The following SH3BGRL variants were observed in gnomAD, a reference collection of about 807,000 sequenced individuals.
The protein encoded by SH3BGRL is SH3 domain binding glutamate rich protein like.
A neutral mutation model predicts 9.8 loss-of-function variants in SH3BGRL; 7 were observed. That is an observed-to-expected ratio of 0.72 (90% CI 0.41 to 1.35). SH3BGRL has a LOEUF of 1.35. SH3BGRL is among the 40% of genes most tolerant of loss of function. The probability of loss-of-function intolerance (pLI) is 0.01; values close to 1 mark genes in which losing one functional copy is unlikely to be tolerated. For synonymous variants in SH3BGRL, 36 were observed against 29.1 expected (o/e 1.24, Z -0.76); for missense variants, 73 against 84.4 (o/e 0.86, Z 0.53).
intron 3 of SH3BGRL, 59 bp from the exon 4 acceptor site, chrX:81,297,136 A>G: frequency 1.9e-6 from 2 of 1,028,592 alleles, no homozygotes; most frequent in Non-Finnish European, 2.7e-6. Flanking sequence ...ACTAAAATAC[A>G]CATGGGTGTC....
intron 3 of SH3BGRL, among the ~76,000 whole-genome samples, chrX:81,284,811 TAAAC>T (rs2075829296): frequency 9.1e-6 from 1 of 110,204 alleles, no homozygotes; most frequent in Non-Finnish European, 1.9e-5. Flanking sequence ...AATAAATAAA[TAAAC>T]AGACAAATAA....
intron 3 of SH3BGRL, among the ~76,000 whole-genome samples, chrX:81,289,519 C>G (rs1462617660): frequency 9.3e-6 from 1 of 107,867 alleles, no homozygotes; most frequent in East Asian, 2.9e-4. Flanking sequence ...TGCAAACTAC[C>G]CATCTGACAG....
At chrX:81,205,727 C>T (rs1380617244) in intron 1 of SH3BGRL, among the ~76,000 whole-genome samples, 1 of 109,881 alleles carries the variant, frequency 9.1e-6, no homozygotes, top group Non-Finnish European at 1.9e-5. Context: ...AACCTCTATG[C>T]TGTTTTCCAT....
chrX:81,210,398 T>C (rs989171812), intron 1 of SH3BGRL, among the ~76,000 whole-genome samples: 1 of 111,763 alleles, frequency 8.9e-6, no homozygotes, highest in Admixed American at 9.5e-5. Context: ...CAAGCATATA[T>C]AATTACTTAA....
intron 1 of SH3BGRL, among the ~76,000 whole-genome samples, chrX:81,218,097 A>G (rs1439879589): frequency 1.8e-5 from 2 of 110,568 alleles, no homozygotes; most frequent in African/African-American, 6.6e-5. Flanking sequence ...TTTCATTTGC[A>G]TGGAATATCT....
rs745920617 is a variant in SH3BGRL, at chrX:81,297,204, G to T, written c.322G>T (p.Val108Leu). 2 of 1,208,309 alleles carry T rather than the reference G, an allele frequency of 1.7e-6. No homozygotes were observed. The highest frequency in any genetic ancestry group is 5.9e-5 in the East Asian group (2 of 33,730). The change falls in exon 4 of 4, where the codon GTG becomes TTG. Residue 108 changes from valine to leucine, a missense_variant. Val to Leu is a conservative substitution (Grantham distance 32, BLOSUM62 1). Coordinates refer to ENST00000373212, the MANE Select transcript of SH3BGRL (RefSeq NM_003022.3). ...TTGTTTTTCATTTCAGGAAGCAGAA[G>T]TGCAAGCAAAGCAGCAAGCATGAAC... is the stretch of plus-strand genomic sequence containing the variant. ...TAPPGSKEAE[V>L]QAKQQA
At chrX:81,238,074 G>A (rs913808976) in intron 1 of SH3BGRL, among the ~76,000 whole-genome samples, 2 of 109,667 alleles carry the variant, frequency 1.8e-5, no homozygotes, top group Admixed American at 9.7e-5. Flanking sequence ...CTCAGGCCCT[G>A]AATAACCAAC....
intron 1 of SH3BGRL, among the ~76,000 whole-genome samples, chrX:81,270,025 G>T (rs745337898): frequency 4.5e-5 from 5 of 110,187 alleles, no homozygotes; most frequent in Non-Finnish European, 9.5e-5. Flanking sequence ...ATTGAAGCTT[G>T]TGTATGCTTC....
intron 1 of SH3BGRL, among the ~76,000 whole-genome samples, chrX:81,216,846 A>G: frequency 9.0e-6 from 1 of 111,632 alleles, no homozygotes; most frequent in Non-Finnish European, 1.9e-5. Flanking sequence ...TCATCTGTCA[A>G]CGGACACATA....
At chrX:81,292,107 C>T (rs1350431257) in intron 3 of SH3BGRL, among the ~76,000 whole-genome samples, 1 of 111,805 alleles carries the variant, frequency 8.9e-6, no homozygotes, top group African/African-American at 3.3e-5. Context: ...GGCAGTACCC[C>T]AGTGTAGCCT....
intron 1 of SH3BGRL, among the ~76,000 whole-genome samples, chrX:81,235,429 G>A (rs2027279): frequency 0.17 from 19,147 of 109,529 alleles, 1,630 homozygotes; most frequent in East Asian, 0.69. Flanking sequence ...GTTGAGTATC[G>A]GAAAAGTGAA....
chrX:81,232,691 T>A (rs1207338339), intron 1 of SH3BGRL, among the ~76,000 whole-genome samples: 2 of 110,533 alleles, frequency 1.8e-5, no homozygotes, highest in Non-Finnish European at 3.8e-5. Context: ...ATTTTTGAGG[T>A]CCAGCTGTAC....
chrX:81,283,761 G>C (rs960497897), intron 3 of SH3BGRL, among the ~76,000 whole-genome samples: 8 of 111,083 alleles, frequency 7.2e-5, no homozygotes, highest in African/African-American at 2.6e-4. Flanking sequence ...ACTAGAGCAA[G>C]ACATGGATGC....
At chrX:81,232,311 T>A (rs756601919) in intron 1 of SH3BGRL, among the ~76,000 whole-genome samples, 2 of 110,406 alleles carry the variant, frequency 1.8e-5, no homozygotes, top group Non-Finnish European at 3.8e-5. Flanking sequence ...ACAGAATAGT[T>A]GTGATGACTA....
intron 1 of SH3BGRL, among the ~76,000 whole-genome samples, chrX:81,269,096 G>T (rs1911121895): frequency 9.0e-6 from 1 of 110,721 alleles, no homozygotes; most frequent in African/African-American, 3.3e-5. Context: ...CCTTTATTTT[G>T]GGCCTATGTT....
chrX:81,219,311 A>G, intron 1 of SH3BGRL, among the ~76,000 whole-genome samples: 1 of 110,390 alleles, frequency 9.1e-6, no homozygotes. Flanking sequence ...TCAATATTTC[A>G]TAGTTTTCAT....
chrX:81,210,206 G>C (rs1380108353), intron 1 of SH3BGRL, among the ~76,000 whole-genome samples: 1 of 110,610 alleles, frequency 9.0e-6, no homozygotes, highest in African/African-American at 3.3e-5. Flanking sequence ...ATTCATCTTA[G>C]GTAACATTTA....
At chrX:81,205,904 A>AATTGGAGTG (rs751010354) in intron 1 of SH3BGRL, among the ~76,000 whole-genome samples, 1 of 110,935 alleles carries the variant, frequency 9.0e-6, no homozygotes, top group East Asian at 2.8e-4. Context: ...TAGCCATTTT[A>AATTGGAGTG]ATTGGAGTGA....
At chrX:81,216,410 C>G (rs2075581557) in intron 1 of SH3BGRL, among the ~76,000 whole-genome samples, 1 of 111,249 alleles carries the variant, frequency 9.0e-6, no homozygotes, top group Non-Finnish European at 1.9e-5. Flanking sequence ...AATCCATGAA[C>G]CCAAGCATCT....
Sources: allele counts gnomAD v4.1 joint callset (sites outside exome capture counted in the v4.1 genomes callset), GRCh38; gene constraint gnomAD v4.1.1; transcripts MANE v1.5; gene names NCBI Gene and HGNC (gene_info 2026-07-23, HGNC 2026-07-21).